The following DCC variants were observed in gnomAD, a reference collection of about 807,000 sequenced individuals.
The protein encoded by DCC is DCC netrin 1 receptor, also known as netrin receptor DCC.
Under a neutral mutation model 172.5 loss-of-function variants are expected in DCC, and 58 were observed. The ratio of observed to expected loss-of-function variants is 0.34; its 90% confidence interval spans 0.27 to 0.42. The LOEUF is 0.42. Ranked by LOEUF, DCC falls within the 10% of genes least tolerant of loss-of-function variation. The probability of loss-of-function intolerance (pLI) is 1.00; values close to 1 mark genes in which losing one functional copy is unlikely to be tolerated. For synonymous variants in DCC, 709 were observed against 644.5 expected (o/e 1.10, Z -1.52); for missense variants, 1,740 against 1,791.0 (o/e 0.97, Z 0.51).
chr18:52,879,342 A>C (rs2039446205), intron 2 of DCC, among the ~76,000 whole-genome samples: 1 of 151,160 alleles, frequency 6.6e-6, no homozygotes, highest in African/African-American at 2.4e-5. Flanking sequence ...CAATCATGCC[A>C]AATTGGGAAG....
intron 10 of DCC, among the ~76,000 whole-genome samples, chr18:53,206,563 T>TTA (rs1185645983): frequency 6.9e-6 from 1 of 145,056 alleles, no homozygotes; most frequent in Non-Finnish European, 1.5e-5. Flanking sequence ...CATGTATGTA[T>TTA]TATATAATAC....
intron 1 of DCC, among the ~76,000 whole-genome samples, chr18:52,516,016 A>G (rs1275889631): frequency 6.6e-6 from 1 of 151,848 alleles, no homozygotes; most frequent in Non-Finnish European, 1.5e-5. Context: ...CAGCATTTTT[A>G]GTCATTGGGG....
At chr18:52,935,237 T>G (rs2145510752) in intron 5 of DCC, among the ~76,000 whole-genome samples, 1 of 152,232 alleles carries the variant, frequency 6.6e-6, no homozygotes, top group South Asian at 2.1e-4. Flanking sequence ...ATAGGTCTTG[T>G]GTAGTTCTTA....
At chr18:52,681,230 T>C (rs1042323670) in intron 1 of DCC, among the ~76,000 whole-genome samples, 8 of 152,068 alleles carry the variant, frequency 5.3e-5, no homozygotes, top group African/African-American at 1.9e-4. Context: ...GGATGTCTAT[T>C]CCAGGTCAGT....
At chr18:52,547,159 C>T (rs1468438961) in intron 1 of DCC, among the ~76,000 whole-genome samples, 1 of 152,162 alleles carries the variant, frequency 6.6e-6, no homozygotes, top group Non-Finnish European at 1.5e-5. Context: ...TGACTATAAT[C>T]TTCAAGTCTT....
chr18:52,831,972 T>A (rs1422720239), intron 2 of DCC, among the ~76,000 whole-genome samples: 1 of 152,122 alleles, frequency 6.6e-6, no homozygotes, highest in African/African-American at 2.4e-5. Context: ...TAAAAAGAAT[T>A]TTTAAAAATC....
At chr18:53,224,832 C>T (rs2055998650) in intron 12 of DCC, among the ~76,000 whole-genome samples, 1 of 152,048 alleles carries the variant, frequency 6.6e-6, no homozygotes, top group African/African-American at 2.4e-5. Flanking sequence ...TTCGAGATAG[C>T]TATTAAATAT....
At chr18:52,710,554 C>T (rs185505885) in intron 1 of DCC, among the ~76,000 whole-genome samples, 23 of 152,282 alleles carry the variant, frequency 1.5e-4, no homozygotes, top group Admixed American at 8.5e-4. Flanking sequence ...TCCACCAAAA[C>T]ATGAGGGGAA....
At chr18:52,415,237 A>C (rs1402907778) in intron 1 of DCC, among the ~76,000 whole-genome samples, 2 of 152,218 alleles carry the variant, frequency 1.3e-5, no homozygotes, top group Non-Finnish European at 2.9e-5. Context: ...TGGCATAAAA[A>C]GCATAAGGTA....
intron 7 of DCC, among the ~76,000 whole-genome samples, chr18:53,134,385 G>T (rs371827886): frequency 2.6e-4 from 40 of 152,146 alleles, no homozygotes; most frequent in African/African-American, 8.7e-4. Context: ...AGAAGGTTTT[G>T]GACCCTGCCT....
At chr18:52,763,574 A>C (rs1213459182) in intron 2 of DCC, among the ~76,000 whole-genome samples, 2 of 152,202 alleles carry the variant, frequency 1.3e-5, no homozygotes, top group Non-Finnish European at 2.9e-5. Flanking sequence ...CTTCCACCTC[A>C]GTATACACAT....
intron 1 of DCC, among the ~76,000 whole-genome samples, chr18:52,595,917 C>T (rs2033901373): frequency 1.3e-5 from 2 of 152,190 alleles, no homozygotes; most frequent in Non-Finnish European, 2.9e-5. Flanking sequence ...TGAGAAATCT[C>T]AGCCAAGACA....
intron 1 of DCC, among the ~76,000 whole-genome samples, chr18:52,729,490 C>T (rs574857829): frequency 6.6e-6 from 1 of 152,126 alleles, no homozygotes; most frequent in African/African-American, 2.4e-5. Flanking sequence ...GAACTCCTGA[C>T]CTCAAATGAT....
intron 2 of DCC, among the ~76,000 whole-genome samples, chr18:52,790,733 C>G (rs1335977366): frequency 6.6e-6 from 1 of 152,068 alleles, no homozygotes; most frequent in African/African-American, 2.4e-5. Context: ...CCCTTTTTGC[C>G]TGTTATAGGA....
intron 1 of DCC, among the ~76,000 whole-genome samples, chr18:52,576,829 C>CA (rs35498084): frequency 0.31 from 39,882 of 126,866 alleles, 6,743 homozygotes; most frequent in African/African-American, 0.49. Context: ...GCCTCCATCT[C>CA]AAAAAAAAAA....
rs546939515 is a variant in DCC at position 53,035,928 on chromosome 18, C to T, written c.986-27377C>T. 9.2e-5 allele frequency among the ~76,000 whole-genome samples: 14 copies of T among 152,132 alleles called. No homozygotes were observed. In the South Asian group the frequency reaches 1.5e-3, roughly 16 times the overall value. On this transcript the variant is annotated intron_variant, in intron 5 of 28. Transcript: ENST00000442544. ...TAGAGCATTTAGTATTTCACTATTA[C>T]AAATAATACTTCAGTGAATATCCAT...
chr18:52,504,777 C>T (rs1227305506), intron 1 of DCC, among the ~76,000 whole-genome samples: 4 of 152,060 alleles, frequency 2.6e-5, no homozygotes, highest in Non-Finnish European at 4.4e-5. Context: ...CCCCTCCCCC[C>T]GGCCACCTCA....
intron 15 of DCC, among the ~76,000 whole-genome samples, chr18:53,363,703 A>G (rs544562276): frequency 2.0e-5 from 3 of 152,244 alleles, no homozygotes; most frequent in African/African-American, 7.2e-5. Context: ...AGAGTCTCCC[A>G]TAGTATTGAC....
intron 7 of DCC, among the ~76,000 whole-genome samples, chr18:53,134,754 T>G (rs2043714805): frequency 6.6e-6 from 1 of 152,190 alleles, no homozygotes; most frequent in Non-Finnish European, 1.5e-5. Context: ...GTCCATTCAC[T>G]TGTACCTAGA....
Sources: allele counts gnomAD v4.1 joint callset (sites outside exome capture counted in the v4.1 genomes callset), GRCh38; gene constraint gnomAD v4.1.1; transcripts MANE v1.5; gene names NCBI Gene and HGNC (gene_info 2026-07-23, HGNC 2026-07-21).